Variants in TMC7 observed in about 807,000 individuals in gnomAD.
The protein encoded by TMC7 is transmembrane channel-like protein 7.
TMC7 carries 54 observed loss-of-function variants against 82.9 expected under a neutral mutation model. That is an observed-to-expected ratio of 0.65 (90% CI 0.52 to 0.82). The LOEUF (loss-of-function observed/expected upper bound fraction) is 0.82, where lower values mean the gene tolerates loss of function less well. Ranked by LOEUF, TMC7 falls within the 40% of genes least tolerant of loss-of-function variation. The pLI, the probability that TMC7 is intolerant of heterozygous loss-of-function variation, is 0.00. For missense variants in TMC7, 820 were observed against 901.2 expected (o/e 0.91, Z 1.15); for synonymous variants, 350 against 337.9 (o/e 1.04, Z -0.39).
At position 19,022,966 on chromosome 16, in the gene TMC7, G is replaced by A. The variant is rs186616626; in HGVS notation, c.629-147G>A. The A allele has an allele frequency of 8.4e-4, 355 of 423,062 alleles. 1 individual carries two copies. The highest frequency in any genetic ancestry group is 6.6e-3 in the African/African-American group (322 of 48,478). 26.2% of individuals were successfully genotyped at this position (423,062 alleles called of 1,614,324 possible). A position where few individuals can be genotyped will look rare whatever the true frequency, so the allele number is the denominator to read the frequency against. ...ACCCAGGAGGCAGAGGCTTCAGTGA[G>A]CCAAGATCACGCCATTGCACTCCAG... On this transcript the variant is annotated intron_variant, in intron 4 of 15. Coordinates refer to ENST00000304381, the MANE Select transcript of TMC7 (RefSeq NM_024847.4).
intron 5 of TMC7, among the ~76,000 whole-genome samples, chr16:19,028,300 T>A (rs937721318): frequency 7.2e-5 from 11 of 152,028 alleles, no homozygotes; most frequent in African/African-American, 2.2e-4. Context: ...TTTGGGAGGC[T>A]GAGGCTAGAG....
intron 15 of TMC7, chr16:19,059,703 T>TACA: frequency 6.6e-7 from 1 of 1,524,712 alleles, no homozygotes; most frequent in Non-Finnish European, 8.8e-7. Flanking sequence ...AAGGGGGATG[T>TACA]GGTGGCTCAT....
intron 1 of TMC7, among the ~76,000 whole-genome samples, chr16:19,004,935 T>C (rs2039209727): frequency 6.6e-6 from 1 of 151,918 alleles, no homozygotes. Flanking sequence ...ATTCCTGGGC[T>C]CAAGCAATCC....
At chr16:19,042,665 G>A (rs979640260) in intron 9 of TMC7, among the ~76,000 whole-genome samples, 2 of 151,216 alleles carry the variant, frequency 1.3e-5, no homozygotes, top group Admixed American at 1.3e-4. Flanking sequence ...CCGGCACCAC[G>A]CCCGGCTAAT....
chr16:18,994,103 A>C (rs2038997304), intron 1 of TMC7, among the ~76,000 whole-genome samples: 1 of 152,156 alleles, frequency 6.6e-6, no homozygotes, highest in Non-Finnish European at 1.5e-5. Context: ...GCTGGATTGA[A>C]GTCCAGGCCA....
intron 12 of TMC7, among the ~76,000 whole-genome samples, chr16:19,047,540 G>A (rs1045396328): frequency 4.0e-5 from 6 of 150,702 alleles, no homozygotes; most frequent in Non-Finnish European, 7.4e-5. Flanking sequence ...GGGACTACAG[G>A]AGCCTGCCAC....
chr16:19,043,529 A>G (rs1269690693), intron 9 of TMC7, among the ~76,000 whole-genome samples: 2 of 152,100 alleles, frequency 1.3e-5, no homozygotes, highest in Non-Finnish European at 2.9e-5. Context: ...CAACAGCCCC[A>G]ACAGAAATTC....
At chr16:19,011,818 T>C (rs1959366400) in intron 2 of TMC7, among the ~76,000 whole-genome samples, 1 of 152,116 alleles carries the variant, frequency 6.6e-6, no homozygotes, top group Non-Finnish European at 1.5e-5. Flanking sequence ...ATTTGGGTGG[T>C]CTTGTATTCT....
chr16:19,032,337 G>T (rs565163940), intron 6 of TMC7, among the ~76,000 whole-genome samples: 2 of 152,090 alleles, frequency 1.3e-5, no homozygotes, highest in African/African-American at 4.8e-5. Context: ...ACTAGTGAGC[G>T]TCCATCCCCC....
In TMC7 at chr16:19,056,563, TG is replaced by T; in HGVS notation, c.1896del (p.Pro633ArgfsTer16). On this transcript the variant is annotated frameshift_variant, in exon 14 of 16. Transcript: ENST00000304381. LOFTEE classifies it high-confidence loss of function. Reference sequence around the variant, plus strand: ...GCAGCATCCCTTCCTCGAAAGCCTGTGGGCCGTTCACCAACTTCAACACCAC... The same window carrying T: ...GCAGCATCCCTTCCTCGAAAGCCTGTGGCCGTTCACCAACTTCAACACCAC... ...ISRIPSSKACGPFTNFNTTWE... is the reference protein window; with the variant it reads ...ISRIPSSKACXPFTNFNTTWE... 1 of 1,614,104 alleles carries T rather than the reference TG, an allele frequency of 6.2e-7. No individual in the cohort carries two copies. The highest frequency in any genetic ancestry group is 8.5e-7 in the Non-Finnish European group (1 of 1,179,988).
rs930918977 is a variant in TMC7 at position 19,026,575 on chromosome 16, GA to G, written c.711+3390del. Among the ~76,000 whole-genome samples the G allele has an allele frequency of 2.5e-4, 37 of 150,002 alleles. 1 individual carries two copies. Among genetic ancestry groups the G allele is most frequent in the South Asian group, 1.5e-3 (7 of 4,734 alleles). On this transcript the variant is annotated intron_variant, in intron 5 of 15. Transcript: ENST00000304381. ...TCCCACAAGAAAAGTTTCTGTTTGT[GA>G]AAAAAAAAAGTTTCTTCGCACACTG...
At chr16:19,045,281 GC>G (rs1463145259) in intron 10 of TMC7, 59 bp from the exon 11 acceptor site, 3 of 1,373,254 alleles carry the variant, frequency 2.2e-6, no homozygotes, top group Non-Finnish European at 3.1e-6. Context: ...TGTCTTGGGA[GC>G]CTGGTTTTCT....
intron 1 of TMC7, among the ~76,000 whole-genome samples, chr16:18,990,263 G>T (rs1250662326): frequency 6.6e-5 from 10 of 152,160 alleles, no homozygotes; most frequent in Admixed American, 6.6e-4. Context: ...TTCTTTTGTG[G>T]ATCTTCAGTT....
intron 2 of TMC7, among the ~76,000 whole-genome samples, chr16:19,015,458 T>A (rs1445124558): frequency 1.3e-5 from 2 of 152,002 alleles, no homozygotes; most frequent in Non-Finnish European, 2.9e-5. Flanking sequence ...AATAATATCC[T>A]ATTGTGTGGA....
At position 18,984,083 on chromosome 16, in the gene TMC7, G is replaced by C. The variant is rs2038798452; in HGVS notation, c.20G>C (p.Ser7Thr). Residue 7 changes from serine (S) to threonine (T), a missense_variant, in exon 1 of 16, where the codon AGT becomes ACT. Physicochemically the swap from Ser to Thr is moderately conservative, Grantham distance 58 (BLOSUM62 1). This residue lies in a region of TMC7 where 650 missense variants were observed against 669.9 expected (regional missense o/e 0.97). Transcript: ENST00000304381. ...GCGGCCATGAGCGAGTCCAGCGGCA[G>C]TGCGCTCCAGCCCGGCAGGCCCAGC... MSESSG[S>T]ALQPGRPSRQ... 2 of 1,500,830 alleles carry C rather than the reference G, an allele frequency of 1.3e-6. No homozygotes were observed. The highest frequency in any genetic ancestry group is 1.8e-6 in the Non-Finnish European group (2 of 1,132,998). 93.0% of individuals were successfully genotyped at this position (1,500,830 alleles called of 1,614,324 possible). A position where few individuals can be genotyped will look rare whatever the true frequency, so the allele number is the denominator to read the frequency against.
chr16:19,053,696 C>T (rs1391789705), intron 13 of TMC7, among the ~76,000 whole-genome samples: 1 of 150,642 alleles, frequency 6.6e-6, no homozygotes, highest in Non-Finnish European at 1.5e-5. Flanking sequence ...AGCCACTGTG[C>T]TCGGCCTGAT....
At chr16:19,011,031 G>A (rs989945046) in intron 2 of TMC7, among the ~76,000 whole-genome samples, 5 of 152,206 alleles carry the variant, frequency 3.3e-5, no homozygotes, top group African/African-American at 1.2e-4. Flanking sequence ...CTAATGAGAA[G>A]AGCTGTAAAG....
chr16:19,021,528 G>T, intron 3 of TMC7, 101 bp from the exon 4 acceptor site: 7 of 1,279,562 alleles, frequency 5.5e-6, no homozygotes, highest in Non-Finnish European at 7.7e-6. Flanking sequence ...CCTCCTTCCA[G>T]CTACTGATTC....
chr16:19,037,813 T>C, intron 7 of TMC7, 61 bp from the exon 8 acceptor site: 6 of 1,513,960 alleles, frequency 4.0e-6, no homozygotes, highest in East Asian at 2.3e-5. Context: ...GATGAATCAA[T>C]TTCTATCCCT....
Sources: allele counts gnomAD v4.1 joint callset (sites outside exome capture counted in the v4.1 genomes callset), GRCh38; gene constraint gnomAD v4.1.1; regional missense constraint gnomAD v4.1.1; transcripts MANE v1.5; gene names NCBI Gene and HGNC (gene_info 2026-07-23, HGNC 2026-07-21).